Variants in NOL4 observed in about 807,000 individuals in gnomAD.
The protein encoded by NOL4 is cancer/testis antigen 125.
NOL4 carries 17 observed loss-of-function variants against 75.9 expected under a neutral mutation model. That is an observed-to-expected ratio of 0.22 (90% CI 0.15 to 0.34). NOL4 has a LOEUF of 0.34. Ranked by LOEUF, NOL4 falls within the 10% of genes least tolerant of loss-of-function variation. NOL4 has a pLI of 1.00. For synonymous variants in NOL4, 292 were observed against 289.9 expected (o/e 1.01, Z -0.07); for missense variants, 614 against 793.5 (o/e 0.77, Z 2.72).
chr18:34,084,064 G>A (rs2078132426), intron 5 of NOL4, among the ~76,000 whole-genome samples: 1 of 152,154 alleles, frequency 6.6e-6, no homozygotes, highest in Non-Finnish European at 1.5e-5. Flanking sequence ...TTCCCAGAGG[G>A]GCACTGACCT....
At chr18:34,027,053 C>T (rs2075378682) in intron 5 of NOL4, among the ~76,000 whole-genome samples, 1 of 152,204 alleles carries the variant, frequency 6.6e-6, no homozygotes, top group Non-Finnish European at 1.5e-5. Flanking sequence ...AACACTAGCA[C>T]TTAATGACAT....
At chr18:34,169,324 G>A (rs1200455420) in intron 1 of NOL4, among the ~76,000 whole-genome samples, 1 of 151,822 alleles carries the variant, frequency 6.6e-6, no homozygotes, top group African/African-American at 2.4e-5. Context: ...CATCATGTAA[G>A]TGGCATAATA....
chr18:34,207,479 C>T (rs1298045096), intron 1 of NOL4, among the ~76,000 whole-genome samples: 1 of 152,200 alleles, frequency 6.6e-6, no homozygotes, highest in Admixed American at 6.5e-5. Context: ...ACATGCAACT[C>T]AGAGGTCAGT....
intron 10 of NOL4, among the ~76,000 whole-genome samples, chr18:33,873,999 T>C (rs1055357371): frequency 6.6e-6 from 1 of 151,898 alleles, no homozygotes; most frequent in Non-Finnish European, 1.5e-5. Flanking sequence ...GGTAATAGTA[T>C]GCACGGGGAT....
intron 10 of NOL4, among the ~76,000 whole-genome samples, chr18:33,877,206 A>T (rs1164294753): frequency 6.6e-6 from 1 of 151,936 alleles, no homozygotes; most frequent in Non-Finnish European, 1.5e-5. Flanking sequence ...TGTCCTTGAG[A>T]TATCATCATC....
At chr18:33,953,636 G>A (rs1419173828) in intron 8 of NOL4, among the ~76,000 whole-genome samples, 1 of 152,130 alleles carries the variant, frequency 6.6e-6, no homozygotes, top group Non-Finnish European at 1.5e-5. Context: ...TTAACAGCAG[G>A]CAAGTCAAGA....
chr18:34,204,636 C>T (rs2035993074), intron 1 of NOL4, among the ~76,000 whole-genome samples: 1 of 151,738 alleles, frequency 6.6e-6, no homozygotes, highest in Admixed American at 6.6e-5. Flanking sequence ...GGGCACAAGC[C>T]TCCCTTCAAG....
At chr18:34,212,291 T>A (rs1568455523) in intron 1 of NOL4, among the ~76,000 whole-genome samples, 1 of 152,212 alleles carries the variant, frequency 6.6e-6, no homozygotes, top group Non-Finnish European at 1.5e-5. Context: ...CTTACATCTT[T>A]TACTAAATTA....
chr18:34,113,225 C>T (rs2079689893), intron 2 of NOL4, among the ~76,000 whole-genome samples: 1 of 152,124 alleles, frequency 6.6e-6, no homozygotes, highest in Non-Finnish European at 1.5e-5. Context: ...AGCAATCCTC[C>T]CATCTTGGTG....
intron 6 of NOL4, among the ~76,000 whole-genome samples, chr18:33,999,722 G>T (rs1045402942): frequency 6.6e-6 from 1 of 152,072 alleles, no homozygotes; most frequent in Non-Finnish European, 1.5e-5. Context: ...TGCAATCTCG[G>T]CTCACTGCAA....
At chr18:33,917,894 CT>C (rs1438775137) in intron 9 of NOL4, among the ~76,000 whole-genome samples, 1 of 152,154 alleles carries the variant, frequency 6.6e-6, no homozygotes, top group Non-Finnish European at 1.5e-5. Context: ...ACTGGGTTTT[CT>C]CACTCCTGCC....
chr18:34,048,727 G>T, intron 5 of NOL4: 1 of 389,830 alleles, frequency 2.6e-6, no homozygotes, highest in Non-Finnish European at 3.5e-6. Flanking sequence ...AGGGCTATGG[G>T]CTCCTTCCTT....
chr18:33,898,690 G>A (rs752401656), intron 9 of NOL4, among the ~76,000 whole-genome samples: 1 of 152,118 alleles, frequency 6.6e-6, no homozygotes, highest in Non-Finnish European at 1.5e-5. Flanking sequence ...GAATTATTGT[G>A]ATAACATACC....
At chr18:34,028,876 T>C (rs1335132019) in intron 5 of NOL4, among the ~76,000 whole-genome samples, 3 of 152,224 alleles carry the variant, frequency 2.0e-5, no homozygotes, top group African/African-American at 7.2e-5. Context: ...CCATGATGAA[T>C]ACAAAACTAT....
At chr18:34,027,065 T>G (rs188155535) in intron 5 of NOL4, among the ~76,000 whole-genome samples, 1 of 152,374 alleles carries the variant, frequency 6.6e-6, no homozygotes, top group Admixed American at 6.5e-5. Context: ...TAATGACATG[T>G]GTCGCATTCT....
chr18:33,942,054 A>G (rs2068526952), intron 9 of NOL4, among the ~76,000 whole-genome samples: 2 of 151,974 alleles, frequency 1.3e-5, no homozygotes, highest in Admixed American at 1.3e-4. Context: ...TGACATTTTA[A>G]TAATAAACAC....
rs190626432 is a variant in NOL4 at position 33,976,365 on chromosome 18, A to G, written c.1057-17947T>C. On this transcript the variant is annotated intron_variant, in intron 6 of 10. Coordinates refer to ENST00000261592, the MANE Select transcript of NOL4 (RefSeq NM_003787.5). ...TGAAGCTATTACATACTTCCTTGTAAAAGAATTTCTTGAGAGAGTTTACAT... is the reference window on the plus strand; with the variant it reads ...TGAAGCTATTACATACTTCCTTGTAGAAGAATTTCTTGAGAGAGTTTACAT... Among the ~76,000 whole-genome samples, 5 of 142,612 alleles carry G rather than the reference A, an allele frequency of 3.5e-5. No homozygotes were observed. In the East Asian group the frequency reaches 7.7e-4, roughly 22 times the overall value. 93.6% of individuals were successfully genotyped at this position (142,612 alleles called of 152,430 possible). A position where few individuals can be genotyped will look rare whatever the true frequency, so the allele number is the denominator to read the frequency against.
intron 6 of NOL4, among the ~76,000 whole-genome samples, chr18:34,008,546 G>A (rs77152708): frequency 0.021 from 3,217 of 151,932 alleles, 51 homozygotes; most frequent in East Asian, 0.088. Context: ...TGTCTCATAC[G>A]TGAAAATGTA....
intron 6 of NOL4, among the ~76,000 whole-genome samples, chr18:33,999,141 G>A (rs1453609083): frequency 2.0e-5 from 3 of 149,616 alleles, no homozygotes; most frequent in Non-Finnish European, 4.4e-5. Flanking sequence ...AGATAATGCT[G>A]AGTTTTTTTT....
Sources: gnomAD v4.1 joint callset for allele counts (sites outside exome capture counted in the v4.1 genomes callset) on GRCh38, gnomAD v4.1.1 for gene constraint, MANE v1.5 for transcripts, NCBI Gene and HGNC (gene_info 2026-07-23, HGNC 2026-07-21) for gene names.